The following NFIA variants were observed in gnomAD, a reference collection of about 807,000 sequenced individuals.
The protein encoded by NFIA is nuclear factor 1 A-type.
In NFIA, 8 loss-of-function variants were observed where a neutral mutation model predicts 62.8. That is an observed-to-expected ratio of 0.13 (90% CI 0.07 to 0.23). The LOEUF (loss-of-function observed/expected upper bound fraction) is 0.23. NFIA is among the 10% of genes least tolerant of loss of function. NFIA has a pLI of 1.00. For synonymous variants in NFIA, 235 were observed against 238.1 expected (o/e 0.99, Z 0.12); for missense variants, 410 against 642.1 (o/e 0.64, Z 3.91).
rs541861122 is a variant in NFIA at position 61,462,191 on chromosome 1, A to G, written c.*6871A>G. On this transcript the variant is annotated 3_prime_UTR_variant, in exon 11 of 11. Coordinates refer to ENST00000403491, the MANE Select transcript of NFIA (RefSeq NM_001134673.4). Reference sequence around the variant, plus strand: ...ACCATCGTCTCTGCACTGCGAAGGCATTTGGTAGCCTCGCCACTGAGATAC... The same window carrying G: ...ACCATCGTCTCTGCACTGCGAAGGCGTTTGGTAGCCTCGCCACTGAGATAC... 4.6e-5 allele frequency: 7 copies of G among 151,878 alleles called. No homozygotes were observed. In the South Asian group the frequency reaches 1.0e-3, roughly 23 times the overall value. The allele number at this position is 151,878 out of a possible 1,614,324, so 9.4% of individuals were successfully genotyped here.
In NFIA at chr1:61,444,303, T is replaced by C. The variant is rs550988370; in HGVS notation, c.1513-11000T>C. ...GTTCTCCTGGCCCCTGCCCTGCCTT[T>C]CTCTCTGTCCTTCTTTGCCTCTGGA... On this transcript the variant is annotated intron_variant, in intron 10 of 10. Coordinates refer to ENST00000403491, the MANE Select transcript of NFIA (RefSeq NM_001134673.4). 4.6e-5 allele frequency among the ~76,000 whole-genome samples: 7 copies of C among 152,356 alleles called. No individual in the cohort carries two copies. In the South Asian group the frequency reaches 1.5e-3, roughly 32 times the overall value.
intron 8 of NFIA, among the ~76,000 whole-genome samples, chr1:61,405,656 C>T (rs773520252): frequency 6.9e-4 from 105 of 152,146 alleles, no homozygotes; most frequent in Admixed American, 1.7e-3. Context: ...AATTATTAAC[C>T]ATTTTTGTAA....
intron 2 of NFIA, among the ~76,000 whole-genome samples, chr1:61,210,941 G>T (rs773888076): frequency 7.9e-5 from 12 of 152,178 alleles, no homozygotes; most frequent in Non-Finnish European, 1.0e-4. Context: ...TTTAGCAAAG[G>T]ATCAGGGCCA....
chr1:61,090,946 A>C (rs1646309246), intron 2 of NFIA, among the ~76,000 whole-genome samples: 1 of 152,252 alleles, frequency 6.6e-6, no homozygotes, highest in South Asian at 2.1e-4. Flanking sequence ...TATGAGGTAG[A>C]TCGGTCAACT....
intron 3 of NFIA, among the ~76,000 whole-genome samples, chr1:61,316,060 A>C (rs1280316843): frequency 6.6e-6 from 1 of 152,188 alleles, no homozygotes; most frequent in African/African-American, 2.4e-5. Context: ...CTGATAAGCC[A>C]ATCTTCAAAA....
At chr1:61,333,070 C>CACAT (rs1553174139) in intron 4 of NFIA, among the ~76,000 whole-genome samples, 1 of 133,114 alleles carries the variant, frequency 7.5e-6, no homozygotes, top group Non-Finnish European at 1.5e-5. Context: ...CACACACATA[C>CACAT]ACACACACAC....
chr1:61,394,155 A>C (rs1219121495), intron 7 of NFIA, among the ~76,000 whole-genome samples: 1 of 152,102 alleles, frequency 6.6e-6, no homozygotes, highest in Non-Finnish European at 1.5e-5. Context: ...AGCCTTTCAA[A>C]TTGCGCTATT....
At chr1:61,342,560 T>TGTGGACTGCTCTGTTAGACCAA (rs1553175386) in intron 4 of NFIA, among the ~76,000 whole-genome samples, 9 of 152,338 alleles carry the variant, frequency 5.9e-5, no homozygotes, top group Admixed American at 3.3e-4. Context: ...CTAACCCCTC[T>TGTGGACTGCTCTGTTAGACCAA]GTGGACTGCT....
At chr1:61,337,700 C>T (rs148804039) in intron 4 of NFIA, among the ~76,000 whole-genome samples, 3 of 152,196 alleles carry the variant, frequency 2.0e-5, no homozygotes, top group African/African-American at 7.2e-5. Context: ...AAAGCCTTCT[C>T]AAGGCATTTT....
chr1:61,233,975 AGAGATC>A (rs1205044210), intron 2 of NFIA, among the ~76,000 whole-genome samples: 1 of 152,154 alleles, frequency 6.6e-6, no homozygotes. Flanking sequence ...AGAGCTGTGA[AGAGATC>A]CTTGACCTCT....
intron 1 of NFIA, among the ~76,000 whole-genome samples, chr1:61,087,889 G>A (rs1325340574): frequency 2.6e-5 from 4 of 152,158 alleles, no homozygotes; most frequent in African/African-American, 9.7e-5. Context: ...AGTAGCTGGT[G>A]TACCCTGGTG....
intron 3 of NFIA, among the ~76,000 whole-genome samples, chr1:61,298,732 T>C (rs1173047531): frequency 2.0e-5 from 3 of 152,170 alleles, no homozygotes; most frequent in Non-Finnish European, 4.4e-5. Context: ...AGACCATGCC[T>C]ACAAGGTGTT....
intron 2 of NFIA, among the ~76,000 whole-genome samples, chr1:61,240,340 G>A (rs910779913): frequency 6.6e-6 from 1 of 151,894 alleles, no homozygotes; most frequent in South Asian, 2.1e-4. Context: ...GCCCCCAAAA[G>A]CATTAAAATT....
At chr1:61,444,859 A>C (rs768570602) in intron 10 of NFIA, among the ~76,000 whole-genome samples, 1 of 152,212 alleles carries the variant, frequency 6.6e-6, no homozygotes, top group African/African-American at 2.4e-5. Flanking sequence ...GCCTGTCCAC[A>C]TATAACAGTC....
intron 4 of NFIA, among the ~76,000 whole-genome samples, chr1:61,346,832 G>T (rs569964803): frequency 3.9e-5 from 6 of 152,184 alleles, no homozygotes; most frequent in Middle Eastern, 3.2e-3. Flanking sequence ...GTTCTACATG[G>T]CTGGGAAAGT....
chr1:61,165,001 A>T (rs914628120), intron 2 of NFIA, among the ~76,000 whole-genome samples: 20 of 152,186 alleles, frequency 1.3e-4, no homozygotes, highest in African/African-American at 4.8e-4. Context: ...CCAGTGCTTT[A>T]TTTTTTTGTT....
At chr1:61,113,615 A>AG (rs1442978337) in intron 2 of NFIA, among the ~76,000 whole-genome samples, 1 of 149,314 alleles carries the variant, frequency 6.7e-6, no homozygotes, top group Non-Finnish European at 1.5e-5. Flanking sequence ...AAAAAAAAAA[A>AG]AGAGAATATG....
At chr1:61,306,532 C>G in intron 3 of NFIA, among the ~76,000 whole-genome samples, 2 of 152,196 alleles carry the variant, frequency 1.3e-5, no homozygotes, top group Admixed American at 1.3e-4. Flanking sequence ...ACCTTGGCCT[C>G]CCAAAGTGCT....
At chr1:61,325,293 G>C (rs935995747) in intron 3 of NFIA, among the ~76,000 whole-genome samples, 1 of 152,116 alleles carries the variant, frequency 6.6e-6, no homozygotes, top group Non-Finnish European at 1.5e-5. Flanking sequence ...CAGTAAAGTG[G>C]AACAATCAGA....
Sources: gnomAD v4.1 joint callset for allele counts (sites outside exome capture counted in the v4.1 genomes callset) on GRCh38, gnomAD v4.1.1 for gene constraint, MANE v1.5 for transcripts, NCBI Gene and HGNC (gene_info 2026-07-23, HGNC 2026-07-21) for gene names.